DOCK7: variants seen among roughly 807,000 people sequenced by gnomAD.
The protein encoded by DOCK7 is dedicator of cytokinesis 7.
DOCK7 carries 138 observed loss-of-function variants against 271.0 expected under a neutral mutation model. The ratio of observed to expected loss-of-function variants is 0.51; its 90% confidence interval spans 0.44 to 0.59. DOCK7 has a LOEUF of 0.59. Ranked by LOEUF, DOCK7 falls within the 20% of genes least tolerant of loss-of-function variation. The probability of loss-of-function intolerance (pLI) is 0.00; values close to 1 mark genes in which losing one functional copy is unlikely to be tolerated. For synonymous variants in DOCK7, 823 were observed against 876.1 expected (o/e 0.94, Z 1.07); for missense variants, 2,066 against 2,592.4 (o/e 0.80, Z 4.41).
At chr1:62,512,155 GATT>G (rs770936759) in intron 33 of DOCK7, among the ~76,000 whole-genome samples, 4 of 152,254 alleles carry the variant, frequency 2.6e-5, no homozygotes, top group Non-Finnish European at 2.9e-5. Context: ...ATGATACTTA[GATT>G]ATTATTATGC....
chr1:62,494,202 TA>T, intron 40 of DOCK7, 72 bp downstream of exon 40: 1 of 1,347,052 alleles, frequency 7.4e-7, no homozygotes, highest in Non-Finnish European at 9.9e-7. Flanking sequence ...TAAAAAAATC[TA>T]AACACCAGTG....
intron 15 of DOCK7, 70 bp downstream of exon 15, chr1:62,586,437 C>T: frequency 8.3e-7 from 1 of 1,203,268 alleles, no homozygotes; most frequent in South Asian, 1.5e-5. Context: ...CAGTTGCCAA[C>T]CAAAGAGAAA....
intron 4 of DOCK7, among the ~76,000 whole-genome samples, chr1:62,651,444 T>A (rs1410136150): frequency 1.6e-5 from 1 of 61,860 alleles, no homozygotes; most frequent in African/African-American, 6.1e-5. Context: ...GAACTTAAAG[T>A]ATAATAAAAA....
chr1:62,648,043 A>T, intron 6 of DOCK7, 63 bp downstream of exon 6: 1 of 1,469,670 alleles, frequency 6.8e-7, no homozygotes, highest in Non-Finnish European at 9.5e-7. Flanking sequence ...ACTATATATC[A>T]ATCATAATCC....
chr1:62,613,087 C>T (rs1410753643), intron 14 of DOCK7, among the ~76,000 whole-genome samples: 1 of 152,166 alleles, frequency 6.6e-6, no homozygotes, highest in Non-Finnish European at 1.5e-5. Context: ...ACATTGCATA[C>T]AATCTATTAC....
At chr1:62,627,786 T>A (rs1654130913) in intron 11 of DOCK7, 1 of 152,120 alleles carries the variant, frequency 6.6e-6, no homozygotes, top group African/African-American at 2.4e-5. Flanking sequence ...GATTTAAAAT[T>A]GTTAAAATGG....
chr1:62,481,457 CT>C (rs1646124893), intron 43 of DOCK7: 1 of 152,152 alleles, frequency 6.6e-6, no homozygotes, highest in Non-Finnish European at 1.5e-5. Flanking sequence ...AGTCATATTG[CT>C]TCGCCTGCAG....
intron 44 of DOCK7, 48 bp from the exon 45 acceptor site, chr1:62,476,204 G>T: frequency 6.6e-7 from 1 of 1,509,064 alleles, no homozygotes; most frequent in Non-Finnish European, 9.1e-7. Context: ...AAAAGACTGC[G>T]AAATAGAGAA....
chr1:62,494,482 A>C lies in DOCK7; in HGVS notation c.5025-15T>G, dbSNP rs1222713653. On this transcript the variant is annotated splice_polypyrimidine_tract_variant and intron_variant, in intron 39 of 49. Transcript: ENST00000635253. ...CCTTGGCAATTCTAATTAGAACAGA[A>C]ATTCTTCTCCATTAGTATGTGCTTC... 6.3e-7 allele frequency: 1 copy of C among 1,587,080 alleles called. No individual in the cohort carries two copies. Among genetic ancestry groups the C allele is most frequent in the South Asian group, 1.1e-5 (1 of 89,254 alleles).
At chr1:62,669,348 C>T (rs550546135) in intron 1 of DOCK7, among the ~76,000 whole-genome samples, 1 of 152,234 alleles carries the variant, frequency 6.6e-6, no homozygotes, top group Non-Finnish European at 1.5e-5. Flanking sequence ...GTTATGCAAC[C>T]CATAAGTATA....
intron 1 of DOCK7, among the ~76,000 whole-genome samples, chr1:62,677,023 G>T (rs1168123): frequency 0.98 from 149,142 of 152,314 alleles, 73,102 homozygotes; most frequent in Middle Eastern, 1. Context: ...GCAGATAGGA[G>T]AGCTGTCTAT....
rs369318790 is a variant in DOCK7 at position 62,529,457 on chromosome 1, A to T, written c.3612-11T>A. 1.5e-5 allele frequency: 24 copies of T among 1,591,622 alleles called. No homozygotes were observed. Among genetic ancestry groups the T allele is most frequent in the Non-Finnish European group, 2.0e-5 (23 of 1,170,448 alleles). On this transcript the variant is annotated splice_polypyrimidine_tract_variant and intron_variant, in intron 29 of 49. Coordinates refer to ENST00000635253, the MANE Select transcript of DOCK7 (RefSeq NM_001367561.1). ...TGCAATCCAAACAGTCTATTTAAAA[A>T]GAAGAAGACAAAGAAGAAAAAGCAG...
At chr1:62,563,643 A>T (rs1646407629) in intron 18 of DOCK7, among the ~76,000 whole-genome samples, 3 of 152,018 alleles carry the variant, frequency 2.0e-5, no homozygotes, top group Admixed American at 2.0e-4. Flanking sequence ...AAATTTCAAC[A>T]CTAATTAGAT....
intron 4 of DOCK7, among the ~76,000 whole-genome samples, chr1:62,649,233 C>G (rs1436596963): frequency 6.6e-6 from 1 of 152,082 alleles, no homozygotes; most frequent in Non-Finnish European, 1.5e-5. Flanking sequence ...TTCATAGAGC[C>G]AAACTGAAGG....
chr1:62,584,502 A>G, intron 15 of DOCK7: 3 of 1,085,166 alleles, frequency 2.8e-6, no homozygotes, highest in Non-Finnish European at 3.4e-6. Context: ...CATATGACTA[A>G]TAACACACAA....
At chr1:62,634,595 TAA>T (rs1655026799) in intron 9 of DOCK7, 176 bp downstream of exon 9, 1 of 516,002 alleles carries the variant, frequency 1.9e-6, no homozygotes, top group East Asian at 3.2e-5. Flanking sequence ...AGAATTCTAA[TAA>T]AGAGTTCAAG....
At chr1:62,613,841 C>T (rs377263873) in intron 14 of DOCK7, among the ~76,000 whole-genome samples, 7 of 152,210 alleles carry the variant, frequency 4.6e-5, no homozygotes, top group Middle Eastern at 3.4e-3. Flanking sequence ...TTAAAACACA[C>T]ATGAACAATG....
In DOCK7 at chr1:62,619,937, C is replaced by A; in HGVS notation, c.1482G>T (p.Arg494Ser). 1 of 1,613,524 alleles carries A rather than the reference C, an allele frequency of 6.2e-7. No homozygotes were observed. The highest frequency in any genetic ancestry group is 8.5e-7 in the Non-Finnish European group (1 of 1,179,738). ...DLYKFLADMR[R>S]PSSVLRRLRP... is the part of the protein sequence containing the mutation. ...TTAGTCGCCGTAAGACAGAAGATGG[C>A]CTTCTCATATCAGCAAGGAATTTGT... is the stretch of plus-strand genomic sequence containing the variant. The change falls in exon 13 of 50, where the codon AGG (arginine) becomes AGT (serine). Residue 494 changes from arginine (R) to serine (S), a missense_variant. By Grantham distance (110) the Arg-to-Ser change is moderately radical. Around this residue, in one of 2 missense-constraint regions of DOCK7, gnomAD observed 1,414 missense variants for 1,670.4 expected, o/e 0.85. Transcript: ENST00000635253.
chr1:62,469,906 CAAA>C (rs35490114), intron 48 of DOCK7, among the ~76,000 whole-genome samples: 77,760 of 137,674 alleles, frequency 0.56, 21,824 homozygotes, highest in East Asian at 0.76. Context: ...ATCAAAAACT[CAAA>C]AAAAAAAAAA....
Sources: gnomAD v4.1 joint callset for allele counts (sites outside exome capture counted in the v4.1 genomes callset) on GRCh38, gnomAD v4.1.1 for gene constraint, gnomAD v4.1.1 regional missense constraint, MANE v1.5 for transcripts, NCBI Gene and HGNC (gene_info 2026-07-23, HGNC 2026-07-21) for gene names.